The following CEP192 variants were observed in gnomAD, a reference collection of about 807,000 sequenced individuals.
CEP192 encodes the protein centrosomal protein of 192 kDa.
In CEP192, 151 loss-of-function variants were observed where a neutral mutation model predicts 271.8. The ratio of observed to expected loss-of-function variants is 0.56; its 90% CI spans 0.49 to 0.64. The LOEUF (loss-of-function observed/expected upper bound fraction) is 0.64, where lower values mean the gene tolerates loss of function less well. Ranked by LOEUF, CEP192 falls within the 30% of genes least tolerant of loss-of-function variation. The pLI is 0.00. For missense variants in CEP192, 2,910 were observed against 3,020.5 expected (o/e 0.96, Z 0.86); for synonymous variants, 995 against 1,076.5 (o/e 0.92, Z 1.48).
In CEP192 at chr18:13,069,070, G is replaced by C. The variant is rs372235301; in HGVS notation, c.4963-19G>C. On this transcript the variant is annotated intron_variant, in intron 25 of 44. Transcript: ENST00000506447. ...TTTGTGACAGTTCGTTGAAATGTCT[G>C]TCTTGCCCCATCCTCCAGACGATGC... 11 of 1,613,880 alleles carry C rather than the reference G, an allele frequency of 6.8e-6. No homozygotes were observed. The highest frequency in any genetic ancestry group is 1.3e-5 in the African/African-American group (1 of 74,928).
intron 11 of CEP192, among the ~76,000 whole-genome samples, chr18:13,036,770 CA>C (rs1182588678): frequency 4.6e-5 from 7 of 152,226 alleles, no homozygotes; most frequent in Non-Finnish European, 1.0e-4. Context: ...TGAGGGCAGA[CA>C]TTAGGGGACT....
At chr18:13,086,013 A>T (rs2038879695) in intron 30 of CEP192, among the ~76,000 whole-genome samples, 1 of 151,866 alleles carries the variant, frequency 6.6e-6, no homozygotes, top group South Asian at 2.1e-4. Context: ...CTCGATATTG[A>T]GTCCATGGAA....
At chr18:13,002,120 T>C (rs1376227735) in intron 3 of CEP192, among the ~76,000 whole-genome samples, 1 of 152,142 alleles carries the variant, frequency 6.6e-6, no homozygotes, top group Admixed American at 6.5e-5. Context: ...ATATAGAAAA[T>C]TATTTGGAAG....
intron 4 of CEP192, among the ~76,000 whole-genome samples, 165 bp from the exon 5 acceptor site, chr18:13,012,808 C>A (rs1244858093): frequency 6.6e-6 from 1 of 152,144 alleles, no homozygotes; most frequent in Non-Finnish European, 1.5e-5. Flanking sequence ...CCTGCCCTAA[C>A]ATTTAAAAAC....
At chr18:13,117,083 G>A (rs2040468561) in intron 43 of CEP192, among the ~76,000 whole-genome samples, 1 of 151,944 alleles carries the variant, frequency 6.6e-6, no homozygotes. Flanking sequence ...AATTAACCGG[G>A]CATGGTGGCA....
chr18:12,995,455 G>T (rs928561911), intron 1 of CEP192, among the ~76,000 whole-genome samples: 1 of 152,200 alleles, frequency 6.6e-6, no homozygotes, highest in Non-Finnish European at 1.5e-5. Flanking sequence ...CATGATCTGA[G>T]AGCAGAGTGC....
At chr18:13,058,803 G>A (rs1033747509) in intron 20 of CEP192, 11 of 416,358 alleles carry the variant, frequency 2.6e-5, no homozygotes, top group South Asian at 4.8e-5. Flanking sequence ...ACCTTTGTCA[G>A]TGTCCTTTTT....
intron 9 of CEP192, chr18:13,024,428 T>G (rs2035173482): frequency 2.4e-6 from 1 of 420,302 alleles, no homozygotes; most frequent in African/African-American, 2.1e-5. Context: ...GATTCTCCTC[T>G]GAAAATCTCT....
In CEP192 at chr18:13,008,447, AT is replaced by A. The variant is rs1844306896; in HGVS notation, c.291-8del. ...CATTTTATCATTCTTCTGTTTCCTA[AT>A]AAAAAAGTTCTATCTCTAGGAAAAA... On this transcript the variant is annotated splice_region_variant and splice_polypyrimidine_tract_variant and intron_variant, in intron 3 of 44. Transcript: ENST00000506447. The A allele has an allele frequency of 6.6e-7, 1 of 1,515,128 alleles. No individual in the cohort carries two copies. The highest frequency in any genetic ancestry group is 8.9e-7 in the Non-Finnish European group (1 of 1,122,720). 93.9% of individuals were successfully genotyped at this position (1,515,128 alleles called of 1,614,324 possible). A position where few individuals can be genotyped will look rare whatever the true frequency, so the allele number is the denominator to read the frequency against.
At chr18:13,050,040 T>G (rs531808443) in intron 17 of CEP192, 149 bp downstream of exon 17, 1 of 641,202 alleles carries the variant, frequency 1.6e-6, no homozygotes, top group South Asian at 2.5e-5. Flanking sequence ...GCTATTTTTC[T>G]GTGCAAACTT....
Position 13,069,083 on chromosome 18 carries a change from C to A in CEP192, c.4963-6C>A. On this transcript the variant is annotated splice_polypyrimidine_tract_variant and splice_region_variant and intron_variant, in intron 25 of 44. Coordinates refer to ENST00000506447, the MANE Select transcript of CEP192 (RefSeq NM_032142.4). ...GTTGAAATGTCTGTCTTGCCCCATC[C>A]TCCAGACGATGCATTTCTTGGCCAA... 6.2e-7 allele frequency: 1 copy of A among 1,614,062 alleles called. No homozygotes were observed. The highest frequency in any genetic ancestry group is 2.2e-5 in the East Asian group (1 of 44,884).
intron 31 of CEP192, 67 bp downstream of exon 31, chr18:13,087,344 T>A: frequency 7.3e-7 from 1 of 1,373,862 alleles, no homozygotes; most frequent in Non-Finnish European, 9.9e-7. Context: ...TTATGTATTT[T>A]AAAGCCAAAA....
At chr18:13,027,475 G>A (rs914948292) in intron 9 of CEP192, among the ~76,000 whole-genome samples, 1 of 152,078 alleles carries the variant, frequency 6.6e-6, no homozygotes, top group African/African-American at 2.4e-5. Context: ...TACATGTCAG[G>A]TATTCCTTCT....
intron 15 of CEP192, among the ~76,000 whole-genome samples, chr18:13,047,247 C>T (rs1421042637): frequency 6.6e-6 from 1 of 152,168 alleles, no homozygotes; most frequent in Non-Finnish European, 1.5e-5. Flanking sequence ...TGAGCCTCAT[C>T]CTTATGAGAA....
At chr18:13,099,117 C>A (rs992033715) in intron 36 of CEP192, among the ~76,000 whole-genome samples, 1 of 139,708 alleles carries the variant, frequency 7.2e-6, no homozygotes, top group Non-Finnish European at 1.5e-5. Context: ...TGCAGTGAGC[C>A]GAGATGGCAG....
intron 12 of CEP192, 22 bp from the exon 13 acceptor site, chr18:13,038,348 G>A (rs762449040): frequency 3.3e-5 from 50 of 1,532,626 alleles, no homozygotes; most frequent in East Asian, 4.9e-5. Context: ...GGAAAGAAAC[G>A]AAACAATAAC....
intron 1 of CEP192, among the ~76,000 whole-genome samples, chr18:12,994,912 A>G (rs2033117093): frequency 6.6e-6 from 1 of 152,154 alleles, no homozygotes; most frequent in African/African-American, 2.4e-5. Context: ...AGGATGTCAG[A>G]TGAGTTGTGA....
At chr18:13,101,478 T>C (rs1452069845) in intron 38 of CEP192, among the ~76,000 whole-genome samples, 2 of 152,210 alleles carry the variant, frequency 1.3e-5, no homozygotes, top group African/African-American at 4.8e-5. Flanking sequence ...TATTAGGCAC[T>C]CTGTATTGCT....
chr18:13,095,676 C>T lies in CEP192; in HGVS notation c.6428C>T (p.Ser2143Phe). ...GAGCACTTGATTCTGGTAGCTCCTT[C>T]TCCTTGTGAGTATGTCAACTGTGAC... ...LPEHLILVAP[S>F]PCDMAKTGRF... Residue 2143 changes from serine to phenylalanine, a missense_variant, in exon 35 of 45, where the codon TCT (serine) becomes TTT (phenylalanine). Ser to Phe is a radical substitution (Grantham distance 155, BLOSUM62 -2). Transcript: ENST00000506447. 1 of 1,612,326 alleles carries T rather than the reference C, an allele frequency of 6.2e-7. No homozygotes were observed. The highest frequency in any genetic ancestry group is 8.5e-7 in the Non-Finnish European group (1 of 1,179,434).
Sources: gnomAD v4.1 joint callset for allele counts (sites outside exome capture counted in the v4.1 genomes callset) on GRCh38, gnomAD v4.1.1 for gene constraint, MANE v1.5 for transcripts, NCBI Gene and HGNC (gene_info 2026-07-23, HGNC 2026-07-21) for gene names.